Variants in SNX30 observed in about 807,000 individuals in gnomAD.
SNX30 encodes the protein sorting nexin-30.
A neutral mutation model predicts 46.4 loss-of-function variants in SNX30; 24 were observed. That is an observed-to-expected ratio of 0.52 (90% confidence interval 0.37 to 0.73). The LOEUF (loss-of-function observed/expected upper bound fraction) is 0.73. Among genes scored for constraint, SNX30 ranks in the 30% least tolerant of loss-of-function variants. The pLI is 0.00. For synonymous variants in SNX30, 189 were observed against 211.5 expected (o/e 0.89, Z 0.92); for missense variants, 533 against 555.7 (o/e 0.96, Z 0.41).
intron 1 of SNX30, among the ~76,000 whole-genome samples, chr9:112,767,222 G>A (rs1839557183): frequency 6.6e-6 from 1 of 150,950 alleles, no homozygotes; most frequent in Admixed American, 6.6e-5. Context: ...ATTTTCATAC[G>A]CTTATTGGCC....
intron 1 of SNX30, among the ~76,000 whole-genome samples, chr9:112,766,683 AG>A (rs1241437638): frequency 6.6e-6 from 1 of 152,206 alleles, no homozygotes; most frequent in Non-Finnish European, 1.5e-5. Flanking sequence ...TGAATACTTT[AG>A]ATTCCTCCTG....
intron 7 of SNX30, among the ~76,000 whole-genome samples, chr9:112,853,848 C>A: frequency 6.6e-6 from 1 of 152,208 alleles, no homozygotes; most frequent in Non-Finnish European, 1.5e-5. Flanking sequence ...ACAGTGTGTA[C>A]ATGTATCAAA....
chr9:112,824,112 G>A (rs574262037), intron 3 of SNX30, among the ~76,000 whole-genome samples: 18 of 152,274 alleles, frequency 1.2e-4, no homozygotes, highest in Admixed American at 4.6e-4. Flanking sequence ...TCAGGATTCA[G>A]CAATTGAAAG....
At chr9:112,750,548 G>C (rs1023945869), upstream of SNX30, 3 of 152,270 alleles carry the variant, frequency 2.0e-5, no homozygotes, top group African/African-American at 7.2e-5. Flanking sequence ...CGGCCTCCGC[G>C]AGGCAACGTT....
Position 112,870,324 on chromosome 9 carries a change from GA to G in SNX30, c.*1482del, listed in dbSNP as rs540592484. The G allele has an allele frequency of 8.9e-4, 136 of 152,282 alleles. No homozygotes were observed. The highest frequency in any genetic ancestry group is 2.9e-3 in the African/African-American group (122 of 41,568). The allele number at this position is 152,282 out of a possible 1,614,324, so 9.4% of individuals were successfully genotyped here. On this transcript the variant is annotated 3_prime_UTR_variant, in exon 9 of 9. Coordinates refer to ENST00000374232, the MANE Select transcript of SNX30 (RefSeq NM_001012994.2). ...ACAGCTGTGTTAAGGCGCTGCTTCA[GA>G]TGCAAGTTCACCTGGAAATACTGGT...
chr9:112,774,529 G>A (rs1054630555), intron 1 of SNX30, among the ~76,000 whole-genome samples: 1 of 152,154 alleles, frequency 6.6e-6, no homozygotes. Context: ...TTTGGTTGAC[G>A]TGTTTTCATT....
intron 3 of SNX30, among the ~76,000 whole-genome samples, chr9:112,819,150 A>G (rs959726941): frequency 3.9e-5 from 6 of 152,110 alleles, no homozygotes; most frequent in African/African-American, 1.4e-4. Flanking sequence ...CACATCCGGT[A>G]TTAACATTTT....
chr9:112,821,272 G>A (rs1259332258), intron 3 of SNX30, among the ~76,000 whole-genome samples: 1 of 152,096 alleles, frequency 6.6e-6, no homozygotes, highest in Non-Finnish European at 1.5e-5. Flanking sequence ...TAATGATGTT[G>A]AGCATCTTTT....
intron 6 of SNX30, among the ~76,000 whole-genome samples, chr9:112,850,290 G>A (rs1841002096): frequency 6.6e-6 from 1 of 152,202 alleles, no homozygotes; most frequent in African/African-American, 2.4e-5. Flanking sequence ...CTGTGTCTGA[G>A]CCTCTGTCAC....
intron 2 of SNX30, among the ~76,000 whole-genome samples, chr9:112,809,063 A>T (rs1840275449): frequency 6.6e-6 from 1 of 150,782 alleles, no homozygotes; most frequent in Non-Finnish European, 1.5e-5. Context: ...AATATTAATA[A>T]TCTTGCCCAA....
chr9:112,829,980 G>C (rs1156775724), intron 3 of SNX30, among the ~76,000 whole-genome samples: 2 of 152,038 alleles, frequency 1.3e-5, no homozygotes, highest in African/African-American at 4.8e-5. Flanking sequence ...TAAAACATGT[G>C]CATAGCAGAT....
chr9:112,766,300 A>C (rs1839536313), intron 1 of SNX30, among the ~76,000 whole-genome samples: 1 of 151,174 alleles, frequency 6.6e-6, no homozygotes, highest in Non-Finnish European at 1.5e-5. Context: ...GATATACCAC[A>C]TTTTGTTTAT....
chr9:112,834,849 C>CACAA (rs1377231323), intron 4 of SNX30, among the ~76,000 whole-genome samples: 4 of 60,480 alleles, frequency 6.6e-5, no homozygotes, highest in African/African-American at 1.0e-4. Context: ...CACAAACACA[C>CACAA]ACACACACAC....
chr9:112,780,788 A>G (rs775784695), intron 1 of SNX30, among the ~76,000 whole-genome samples: 1 of 152,218 alleles, frequency 6.6e-6, no homozygotes, highest in Admixed American at 6.5e-5. Flanking sequence ...AAATATTACC[A>G]TCTGTCATTA....
chr9:112,861,871 G>T (rs765506366), intron 7 of SNX30, among the ~76,000 whole-genome samples: 1 of 152,182 alleles, frequency 6.6e-6, no homozygotes, highest in African/African-American at 2.4e-5. Flanking sequence ...ATCTTCCCAG[G>T]TTGGCCGCCC....
At chr9:112,826,934 G>C (rs1019240124) in intron 3 of SNX30, among the ~76,000 whole-genome samples, 1 of 152,186 alleles carries the variant, frequency 6.6e-6, no homozygotes, top group Non-Finnish European at 1.5e-5. Flanking sequence ...ACTGCATTTC[G>C]AATATTCTAC....
intron 1 of SNX30, among the ~76,000 whole-genome samples, chr9:112,783,324 G>C (rs992956185): frequency 6.6e-6 from 1 of 152,280 alleles, no homozygotes; most frequent in African/African-American, 2.4e-5. Flanking sequence ...TCTGTAACCT[G>C]TTCTCTTAAT....
intron 1 of SNX30, among the ~76,000 whole-genome samples, chr9:112,763,610 G>A (rs1839479802): frequency 6.6e-6 from 1 of 151,774 alleles, no homozygotes; most frequent in African/African-American, 2.4e-5. Flanking sequence ...CAGCATTTTG[G>A]GAGGCCGAGG....
At chr9:112,773,879 G>A (rs890321479) in intron 1 of SNX30, among the ~76,000 whole-genome samples, 1 of 152,102 alleles carries the variant, frequency 6.6e-6, no homozygotes, top group Non-Finnish European at 1.5e-5. Flanking sequence ...AAATGTTCAC[G>A]TCTTCTCCTT....
Sources: allele counts gnomAD v4.1 joint callset (sites outside exome capture counted in the v4.1 genomes callset), GRCh38; gene constraint gnomAD v4.1.1; transcripts MANE v1.5; gene names NCBI Gene and HGNC (gene_info 2026-07-23, HGNC 2026-07-21).